FHIT: variants seen among roughly 807,000 people sequenced by gnomAD.
FHIT encodes the protein fragile histidine triad diadenosine triphosphatase, also known as bis(5'-adenosyl)-triphosphatase.
Under a neutral mutation model 17.9 loss-of-function variants are expected in FHIT, and 19 were observed. The observed-to-expected ratio is 1.06, with a 90% CI of 0.74 to 1.56. The LOEUF (loss-of-function observed/expected upper bound fraction) is 1.56, where lower values mean the gene tolerates loss of function less well. Ranked by LOEUF, FHIT falls within the 40% of genes most tolerant of loss-of-function variation. The pLI, the probability that FHIT is intolerant of heterozygous loss-of-function variation, is 0.00. For missense variants in FHIT, 248 were observed against 189.2 expected (o/e 1.31, Z -1.82); for synonymous variants, 81 against 69.7 (o/e 1.16, Z -0.81).
At chr3:60,438,885 T>C (rs1357320) in intron 5 of FHIT, among the ~76,000 whole-genome samples, 132,475 of 152,078 alleles carry the variant, frequency 0.87, 58,240 homozygotes, top group Non-Finnish European at 0.93. Flanking sequence ...ATCACCTCAG[T>C]TGTATGTTTA....
intron 4 of FHIT, among the ~76,000 whole-genome samples, chr3:60,572,521 C>A (rs1198724353): frequency 6.6e-6 from 1 of 151,952 alleles, no homozygotes; most frequent in Non-Finnish European, 1.5e-5. Flanking sequence ...AAAGATCACA[C>A]AAATGCACAT....
At chr3:60,306,016 T>G (rs1435005369) in intron 5 of FHIT, among the ~76,000 whole-genome samples, 1 of 152,140 alleles carries the variant, frequency 6.6e-6, no homozygotes, top group East Asian at 1.9e-4. Context: ...GAAAAGCAAA[T>G]TCTGTCAGTT....
intron 5 of FHIT, among the ~76,000 whole-genome samples, chr3:60,498,822 T>G (rs2034407347): frequency 6.6e-6 from 1 of 151,604 alleles, no homozygotes; most frequent in Admixed American, 6.6e-5. Flanking sequence ...TTACACCAAA[T>G]TTAAGCTCAA....
chr3:60,427,170 A>C (rs1702701180), intron 5 of FHIT, among the ~76,000 whole-genome samples: 2 of 152,108 alleles, frequency 1.3e-5, no homozygotes, highest in Admixed American at 1.3e-4. Context: ...CTGGCCATGA[A>C]GGAGAAAGCT....
intron 7 of FHIT, among the ~76,000 whole-genome samples, chr3:59,943,031 C>G (rs749539366): frequency 1.3e-5 from 2 of 151,950 alleles, no homozygotes; most frequent in Admixed American, 1.3e-4. Flanking sequence ...AATGCTGAAC[C>G]CATTATTTTG....
intron 4 of FHIT, among the ~76,000 whole-genome samples, chr3:60,698,844 C>T (rs538269393): frequency 2.6e-4 from 40 of 152,076 alleles, no homozygotes; most frequent in Non-Finnish European, 5.7e-4. Context: ...GTATCAAGCA[C>T]ATTTCAAAAA....
intron 4 of FHIT, among the ~76,000 whole-genome samples, chr3:60,555,480 T>C (rs1215958724): frequency 6.6e-6 from 1 of 152,204 alleles, no homozygotes; most frequent in Non-Finnish European, 1.5e-5. Context: ...CAGGGCTCCA[T>C]TCAAGGTAAT....
intron 5 of FHIT, among the ~76,000 whole-genome samples, chr3:60,392,888 G>C (rs1368894145): frequency 1.3e-5 from 2 of 152,190 alleles, no homozygotes; most frequent in African/African-American, 2.4e-5. Context: ...TTTCTGGAGG[G>C]CCAAAGAATG....
At chr3:59,931,378 T>C (rs1048564576) in intron 7 of FHIT, among the ~76,000 whole-genome samples, 4 of 152,200 alleles carry the variant, frequency 2.6e-5, no homozygotes, top group Non-Finnish European at 5.9e-5. Flanking sequence ...AGCATGAAAT[T>C]ACTGACAGCC....
At chr3:60,042,046 ACT>A (rs1372475016) in intron 5 of FHIT, among the ~76,000 whole-genome samples, 1 of 152,106 alleles carries the variant, frequency 6.6e-6, no homozygotes, top group Non-Finnish European at 1.5e-5. Flanking sequence ...TCCACAGAAC[ACT>A]CTCAGACGAA....
intron 5 of FHIT, among the ~76,000 whole-genome samples, chr3:60,125,269 G>T (rs917449983): frequency 6.6e-6 from 1 of 152,168 alleles, no homozygotes; most frequent in Non-Finnish European, 1.5e-5. Flanking sequence ...CAGAGATTAG[G>T]ATATCTTTTC....
At chr3:60,439,541 C>A (rs573761505) in intron 5 of FHIT, among the ~76,000 whole-genome samples, 2 of 152,020 alleles carry the variant, frequency 1.3e-5, no homozygotes, top group Non-Finnish European at 2.9e-5. Context: ...TACAGGTGAT[C>A]AGATGGATGA....
In FHIT at chr3:60,066,117, T is replaced by C. The variant is rs149807901; in HGVS notation, c.104-51965A>G. Among the ~76,000 whole-genome samples, 568 of 152,282 alleles carry C rather than the reference T, an allele frequency of 3.7e-3. 10 individuals carry two copies. Among genetic ancestry groups the C allele is most frequent in the Non-Finnish European group, 2.6e-3 (175 of 68,012 alleles). On this transcript the variant is annotated intron_variant, in intron 5 of 9. Coordinates refer to ENST00000492590, the MANE Select transcript of FHIT (RefSeq NM_002012.4). ...GATAGAAGTCCTTTTTCCATGGACA[T>C]TGACACAGTCTAGGATGGGATGGTG...
At chr3:61,018,925 A>G (rs1197424443) in intron 3 of FHIT, among the ~76,000 whole-genome samples, 3 of 152,226 alleles carry the variant, frequency 2.0e-5, no homozygotes, top group Non-Finnish European at 4.4e-5. Context: ...TAAACCTGAA[A>G]GATAATAAAC....
At chr3:60,928,361 G>A (rs1228679359) in intron 3 of FHIT, among the ~76,000 whole-genome samples, 3 of 107,716 alleles carry the variant, frequency 2.8e-5, no homozygotes, top group Non-Finnish European at 1.9e-5. Context: ...GTGTATGAAA[G>A]AACTTTAAAA....
At chr3:59,914,003 T>G (rs1334943126) in intron 8 of FHIT, among the ~76,000 whole-genome samples, 3 of 152,220 alleles carry the variant, frequency 2.0e-5, no homozygotes, top group East Asian at 3.9e-4. Flanking sequence ...TGAAGCAGTT[T>G]GAAAGCATTC....
chr3:60,108,483 T>A (rs1269326037), intron 5 of FHIT, among the ~76,000 whole-genome samples: 1 of 152,178 alleles, frequency 6.6e-6, no homozygotes, highest in African/African-American at 2.4e-5. Context: ...GTGTCCCACC[T>A]ATGCCTGAAT....
At chr3:60,100,919 T>C (rs72880868) in intron 5 of FHIT, among the ~76,000 whole-genome samples, 1,867 of 152,254 alleles carry the variant, frequency 0.012, 39 homozygotes, top group African/African-American at 0.043. Flanking sequence ...AAAGTAGTTA[T>C]ATATAAGCCA....
intron 5 of FHIT, among the ~76,000 whole-genome samples, chr3:60,389,115 TG>T (rs986767304): frequency 6.6e-6 from 1 of 152,204 alleles, no homozygotes; most frequent in African/African-American, 2.4e-5. Context: ...ATTCCCTGAT[TG>T]GTTTTCCATA....
Sources: gnomAD v4.1 joint callset for allele counts (sites outside exome capture counted in the v4.1 genomes callset) on GRCh38, gnomAD v4.1.1 for gene constraint, MANE v1.5 for transcripts, NCBI Gene and HGNC (gene_info 2026-07-23, HGNC 2026-07-21) for gene names.